ITGA8: variants seen among roughly 807,000 people sequenced by gnomAD.
ITGA8 encodes integrin subunit alpha 8, also known as integrin alpha-8.
ITGA8 carries 91 observed loss-of-function variants against 142.3 expected under a neutral mutation model. The observed-to-expected ratio is 0.64, with a 90% CI of 0.54 to 0.76. ITGA8 has a LOEUF of 0.76. Ranked by LOEUF, ITGA8 falls within the 30% of genes least tolerant of loss-of-function variation. ITGA8 has a pLI of 0.00. For missense variants in ITGA8, 1,406 were observed against 1,327.7 expected (o/e 1.06, Z -0.92); for synonymous variants, 505 against 485.2 (o/e 1.04, Z -0.54).
rs917442151 is a variant in ITGA8, at chr10:15,515,712, T to C, written c.*1446A>G. ...ATTTCTTCATAGTAATTTTTCATTA[T>C]TAAAAAAGGATACAAAATTGTGCAG... On this transcript the variant is annotated 3_prime_UTR_variant, in exon 30 of 30. Coordinates refer to ENST00000378076, the MANE Select transcript of ITGA8 (RefSeq NM_003638.3). The C allele has an allele frequency of 1.3e-5, 2 of 152,196 alleles. No homozygotes were observed. Among genetic ancestry groups the C allele is most frequent in the African/African-American group, 4.8e-5 (2 of 41,444 alleles). The allele number at this position is 152,196 out of a possible 1,614,324, so 9.4% of individuals were successfully genotyped here. A position where few individuals can be genotyped will look rare whatever the true frequency, so the allele number is the denominator to read the frequency against.
chr10:15,609,457 G>A (rs1833253554), intron 15 of ITGA8, among the ~76,000 whole-genome samples: 1 of 152,064 alleles, frequency 6.6e-6, no homozygotes. Context: ...TCACATCTGG[G>A]ATTCATCTAT....
At chr10:15,538,617 T>C (rs1378327868) in intron 27 of ITGA8, among the ~76,000 whole-genome samples, 3 of 151,702 alleles carry the variant, frequency 2.0e-5, no homozygotes, top group Non-Finnish European at 4.4e-5. Context: ...GTGAACATTG[T>C]GCACATGGTA....
chr10:15,669,194 A>C (rs1302039057), intron 8 of ITGA8, among the ~76,000 whole-genome samples: 1 of 152,050 alleles, frequency 6.6e-6, no homozygotes, highest in Non-Finnish European at 1.5e-5. Context: ...ATAGTCCCAT[A>C]TTTCTTGGAG....
intron 27 of ITGA8, among the ~76,000 whole-genome samples, chr10:15,534,618 C>G (rs1225953340): frequency 6.6e-6 from 1 of 152,038 alleles, no homozygotes; most frequent in Non-Finnish European, 1.5e-5. Flanking sequence ...AATTGGACAC[C>G]CTTTCCTTTC....
chr10:15,550,856 G>A (rs1833781993), intron 26 of ITGA8, among the ~76,000 whole-genome samples: 1 of 151,196 alleles, frequency 6.6e-6, no homozygotes, highest in South Asian at 2.1e-4. Flanking sequence ...AAGAGAGAGG[G>A]AAGATTGGGG....
At chr10:15,591,060 A>C (rs1024427798) in intron 22 of ITGA8, among the ~76,000 whole-genome samples, 3 of 152,320 alleles carry the variant, frequency 2.0e-5, no homozygotes, top group Middle Eastern at 3.4e-3. Flanking sequence ...TGAAGTAGCT[A>C]TTTAAAAATT....
intron 27 of ITGA8, among the ~76,000 whole-genome samples, chr10:15,536,001 G>A (rs184278747): frequency 1.7e-4 from 26 of 152,052 alleles, no homozygotes; most frequent in African/African-American, 5.3e-4. Flanking sequence ...TCACCGAGAA[G>A]GTCCGCAGCT....
chr10:15,656,850 C>G (rs1183927429), intron 10 of ITGA8, among the ~76,000 whole-genome samples: 18 of 152,156 alleles, frequency 1.2e-4, no homozygotes, highest in Non-Finnish European at 2.5e-4. Context: ...AACATGCAAT[C>G]CCTTAGAAAG....
intron 25 of ITGA8, among the ~76,000 whole-genome samples, chr10:15,565,666 T>C (rs1394206056): frequency 7.2e-6 from 1 of 138,872 alleles, no homozygotes; most frequent in Non-Finnish European, 1.5e-5. Context: ...CTCAGCTCTC[T>C]GCAACCTCTG....
intron 25 of ITGA8, among the ~76,000 whole-genome samples, chr10:15,559,577 AAG>A (rs1177538255): frequency 1.8e-4 from 27 of 152,290 alleles, no homozygotes; most frequent in Middle Eastern, 3.4e-3. Context: ...CTGCAAAAAT[AAG>A]AGAGTGACAA....
At chr10:15,612,288 A>G (rs541003022) in intron 15 of ITGA8, among the ~76,000 whole-genome samples, 2 of 151,932 alleles carry the variant, frequency 1.3e-5, no homozygotes, top group East Asian at 3.9e-4. Context: ...AAAAGCTTTG[A>G]CTCCAGTATG....
intron 6 of ITGA8, 132 bp from the exon 7 acceptor site, chr10:15,672,881 C>A: frequency 1.0e-6 from 1 of 959,384 alleles, no homozygotes. Flanking sequence ...CCGCCTGCCG[C>A]TCAAACTCCA....
intron 2 of ITGA8, among the ~76,000 whole-genome samples, chr10:15,709,338 T>G (rs1008724424): frequency 1.3e-5 from 2 of 152,238 alleles, no homozygotes; most frequent in African/African-American, 4.8e-5. Flanking sequence ...GACACACTCT[T>G]TACTTAGTAA....
At chr10:15,624,125 T>G (rs1833540556) in intron 13 of ITGA8, among the ~76,000 whole-genome samples, 1 of 152,214 alleles carries the variant, frequency 6.6e-6, no homozygotes, top group South Asian at 2.1e-4. Flanking sequence ...AAAGTCACTG[T>G]CAACATCGGT....
At chr10:15,568,685 T>G (rs1834121969) in intron 25 of ITGA8, among the ~76,000 whole-genome samples, 1 of 152,194 alleles carries the variant, frequency 6.6e-6, no homozygotes, top group African/African-American at 2.4e-5. Flanking sequence ...TTAAATGGTG[T>G]TTCAGTTCTC....
At chr10:15,529,041 C>CTCCT (rs1056842706) in intron 28 of ITGA8, among the ~76,000 whole-genome samples, 3 of 145,668 alleles carry the variant, frequency 2.1e-5, no homozygotes, top group Non-Finnish European at 4.5e-5. Flanking sequence ...CCCTTCCTTT[C>CTCCT]TCCTTCCTTC....
At chr10:15,520,397 G>A (rs1339120364) in intron 28 of ITGA8, among the ~76,000 whole-genome samples, 1 of 152,044 alleles carries the variant, frequency 6.6e-6, no homozygotes, top group Non-Finnish European at 1.5e-5. Flanking sequence ...TAGGCAACAG[G>A]GTGACACTCT....
At chr10:15,655,922 C>A (rs779020203) in intron 10 of ITGA8, among the ~76,000 whole-genome samples, 10 of 152,030 alleles carry the variant, frequency 6.6e-5, no homozygotes, top group Non-Finnish European at 1.2e-4. Flanking sequence ...CTCATCCCTA[C>A]AAAAAATAAA....
chr10:15,673,487 A>G (rs752943784), intron 6 of ITGA8, among the ~76,000 whole-genome samples: 3 of 152,216 alleles, frequency 2.0e-5, no homozygotes, highest in Non-Finnish European at 4.4e-5. Context: ...CCAAAGAGCT[A>G]CAGTGCATTC....
Sources: allele counts gnomAD v4.1 joint callset (sites outside exome capture counted in the v4.1 genomes callset), GRCh38; gene constraint gnomAD v4.1.1; transcripts MANE v1.5; gene names NCBI Gene and HGNC (gene_info 2026-07-23, HGNC 2026-07-21).